CFAP54: variants seen among roughly 807,000 people sequenced by gnomAD.
CFAP54 encodes the protein cilia and flagella associated protein 54.
CFAP54 carries 290 observed loss-of-function variants against 370.4 expected under a neutral mutation model. The observed-to-expected ratio is 0.78, with a 90% CI of 0.71 to 0.86. The LOEUF is 0.86. Among genes scored for constraint, CFAP54 ranks in the 40% least tolerant of loss-of-function variants. The pLI is 0.00. For missense variants in CFAP54, 3,399 were observed against 3,528.7 expected, an observed-to-expected ratio of 0.96 and a Z score of 0.93; for synonymous variants, 1,206 against 1,236.5, an observed-to-expected ratio of 0.98 and a Z score of 0.52.
chr12:96,582,539 A>G (rs557072567), intron 22 of CFAP54, among the ~76,000 whole-genome samples: 6 of 152,268 alleles, frequency 3.9e-5, no homozygotes, highest in South Asian at 2.1e-4. Context: ...TTAGCGTGTC[A>G]TACTGGCTCA....
chr12:96,699,393 T>A (rs1957468461), intron 45 of CFAP54, among the ~76,000 whole-genome samples: 1 of 152,200 alleles, frequency 6.6e-6, no homozygotes, highest in African/African-American at 2.4e-5. Flanking sequence ...TGCCTCATAC[T>A]TATTACCTGG....
intron 55 of CFAP54, 78 bp downstream of exon 55, chr12:96,744,224 G>A: frequency 7.8e-7 from 1 of 1,281,416 alleles, no homozygotes; most frequent in East Asian, 2.4e-5. Flanking sequence ...GCTATCATAT[G>A]AGTGCATTTA....
intron 39 of CFAP54, among the ~76,000 whole-genome samples, chr12:96,675,612 C>T (rs1957196720): frequency 1.3e-5 from 2 of 152,204 alleles, no homozygotes; most frequent in South Asian, 2.1e-4. Flanking sequence ...GATTATAAAT[C>T]ATGCTGCTAT....
intron 55 of CFAP54, among the ~76,000 whole-genome samples, chr12:96,745,238 C>T (rs1478658792): frequency 1.3e-5 from 2 of 152,072 alleles, no homozygotes; most frequent in African/African-American, 4.8e-5. Context: ...GGTATTTCTG[C>T]CCCTAGTCTT....
At chr12:96,794,722 T>A (rs1177864861) in intron 63 of CFAP54, among the ~76,000 whole-genome samples, 1 of 152,350 alleles carries the variant, frequency 6.6e-6, no homozygotes, top group Admixed American at 6.5e-5. Context: ...ATCAACCTTC[T>A]GAGTTCTTTT....
chr12:96,502,067 G>A (rs17025467), intron 2 of CFAP54, among the ~76,000 whole-genome samples: 2,565 of 152,234 alleles, frequency 0.017, 75 homozygotes, highest in African/African-American at 0.058. Flanking sequence ...GTGTAGGGTT[G>A]TTTGAGAAAT....
Position 96,679,772 on chromosome 12 carries a change from T to C in CFAP54, c.5716+20T>C. 6.2e-7 allele frequency: 1 copy of C among 1,608,732 alleles called. No individual in the cohort carries two copies. The highest frequency in any genetic ancestry group is 8.5e-7 in the Non-Finnish European group (1 of 1,176,964). ...CACAAGGTAAAATGCATGTTCTGTATCTCTGAATCTTTCTTTATGTGGGGT... is the reference window on the plus strand; with the variant it reads ...CACAAGGTAAAATGCATGTTCTGTACCTCTGAATCTTTCTTTATGTGGGGT... On this transcript the variant is annotated intron_variant, in intron 40 of 67. Coordinates refer to ENST00000524981, the MANE Select transcript of CFAP54 (RefSeq NM_001306084.2).
At chr12:96,640,052 C>T (rs1956706894) in intron 32 of CFAP54, among the ~76,000 whole-genome samples, 1 of 152,112 alleles carries the variant, frequency 6.6e-6, no homozygotes, top group South Asian at 2.1e-4. Context: ...CACTCCTATT[C>T]AACATAGTGT....
intron 1 of CFAP54, among the ~76,000 whole-genome samples, chr12:96,498,516 G>A (rs1439241894): frequency 6.6e-6 from 1 of 152,176 alleles, no homozygotes. Flanking sequence ...AGCTGGGCGT[G>A]GTGGTGCGTG....
chr12:96,550,182 G>A (rs773762667), intron 15 of CFAP54, among the ~76,000 whole-genome samples: 15 of 151,166 alleles, frequency 9.9e-5, no homozygotes, highest in Middle Eastern at 3.2e-3. Flanking sequence ...CGACTGTGAT[G>A]AGGATGATGA....
At chr12:96,810,550 G>C (rs1958920041) in intron 63 of CFAP54, among the ~76,000 whole-genome samples, 1 of 152,124 alleles carries the variant, frequency 6.6e-6, no homozygotes, top group Non-Finnish European at 1.5e-5. Flanking sequence ...TTAGTAATGT[G>C]TATAAGCACA....
At chr12:96,827,060 T>A (rs1383769298) in intron 65 of CFAP54, among the ~76,000 whole-genome samples, 20 of 138,148 alleles carry the variant, frequency 1.4e-4, no homozygotes, top group African/African-American at 2.6e-4. Context: ...TATGTGATTA[T>A]ATATAATATG....
rs771107189 is a variant in CFAP54 at position 96,811,766 on chromosome 12, C to T, written c.8881C>T (p.Pro2961Ser). 4.6e-6 allele frequency: 7 copies of T among 1,519,808 alleles called. No homozygotes were observed. The South Asian group carries it at 8.6e-5, about 19-fold the overall frequency. The allele number at this position is 1,519,808 out of a possible 1,614,324, so 94.1% of individuals were successfully genotyped here. ...ATTGTTGTATGCATATAATTTGAAG[C>T]CTCTGAAGATTTCAGATGTTAGACA... ...VLLLYAYNLK[P>S]LKISDVRHST... Residue 2961 changes from proline (P) to serine (S), a missense_variant, in exon 64 of 68, where the codon CCT (proline) becomes TCT (serine). Pro to Ser is a moderately conservative substitution (Grantham distance 74, BLOSUM62 -1). Around this residue, in one of 3 missense-constraint regions of CFAP54, gnomAD observed 2,796 missense variants for 2,869.7 expected, o/e 0.97. Transcript: ENST00000524981.
chr12:96,803,285 C>T (rs1364564960), intron 63 of CFAP54, among the ~76,000 whole-genome samples: 1 of 152,158 alleles, frequency 6.6e-6, no homozygotes, highest in East Asian at 1.9e-4. Flanking sequence ...CTGATTTACA[C>T]TGCACGAACA....
chr12:96,567,823 A>G (rs1017206577), intron 19 of CFAP54, among the ~76,000 whole-genome samples: 2 of 151,776 alleles, frequency 1.3e-5, no homozygotes, highest in Admixed American at 6.6e-5. Flanking sequence ...AGATACCTGG[A>G]TGTCTCAAGT....
At chr12:96,872,939 G>A (rs1197061306) in intron 67 of CFAP54, among the ~76,000 whole-genome samples, 1 of 152,152 alleles carries the variant, frequency 6.6e-6, no homozygotes, top group Non-Finnish European at 1.5e-5. Flanking sequence ...TATTTACTTT[G>A]AAAATTGGAG....
At chr12:96,626,526 AT>A (rs1304012364) in intron 29 of CFAP54, among the ~76,000 whole-genome samples, 1 of 152,170 alleles carries the variant, frequency 6.6e-6, no homozygotes, top group African/African-American at 2.4e-5. Context: ...ATTATCAACA[AT>A]TTTTCCCCCA....
chr12:96,874,874 C>T (rs947494233), intron 67 of CFAP54, among the ~76,000 whole-genome samples: 1 of 151,938 alleles, frequency 6.6e-6, no homozygotes, highest in African/African-American at 2.4e-5. Flanking sequence ...GCCTCGGCCT[C>T]CCAAAGTGCT....
Position 96,592,480 on chromosome 12 carries a change from C to T in CFAP54, c.3213-10C>T. 1.9e-6 allele frequency: 1 copy of T among 528,166 alleles called. No homozygotes were observed. Among genetic ancestry groups the T allele is most frequent in the Non-Finnish European group, 3.3e-6 (1 of 306,438 alleles). 32.7% of individuals were successfully genotyped at this position (528,166 alleles called of 1,614,324 possible). A position where few individuals can be genotyped will look rare whatever the true frequency, so the allele number is the denominator to read the frequency against. On this transcript the variant is annotated splice_polypyrimidine_tract_variant and intron_variant, in intron 23 of 67. Transcript: ENST00000524981. ...TTATATTTATACCTGCCATTTACTT[C>T]ATATTGCAGATTACATTCAGATATT...
Sources: gnomAD v4.1 joint callset for allele counts (sites outside exome capture counted in the v4.1 genomes callset) on GRCh38, gnomAD v4.1.1 for gene constraint, gnomAD v4.1.1 regional missense constraint, MANE v1.5 for transcripts, NCBI Gene and HGNC (gene_info 2026-07-23, HGNC 2026-07-21) for gene names.